The following RAB1A variants were observed in gnomAD, a reference collection of about 807,000 sequenced individuals.
RAB1A encodes ras-related protein Rab-1A.
A neutral mutation model predicts 26.0 loss-of-function variants in RAB1A; 2 were observed. That is an observed-to-expected ratio of 0.08 (90% CI 0.03 to 0.24). The LOEUF is 0.24. Ranked by LOEUF, RAB1A falls within the 10% of genes least tolerant of loss-of-function variation. RAB1A has a pLI of 1.00. For missense variants in RAB1A, 100 were observed against 247.0 expected (o/e 0.40, Z 3.99); for synonymous variants, 84 against 84.9 (o/e 0.99, Z 0.06).
rs534357331 is a variant in RAB1A, at chr2:65,087,609, A to G, written c.*884T>C. On this transcript the variant is annotated 3_prime_UTR_variant, in exon 6 of 6. Transcript: ENST00000409784. ...AAGGATCAGAGATAACGGGCTAGAT[A>G]GCATACATTCTAAACTTGTTTTACA... is the stretch of plus-strand genomic sequence containing the variant. The G allele has an allele frequency of 6.5e-6, 1 of 152,704 alleles. No homozygotes were observed. Among genetic ancestry groups the G allele is most frequent in the South Asian group, 2.1e-4 (1 of 4,830 alleles). The allele number at this position is 152,704 out of a possible 1,614,324, so 9.5% of individuals were successfully genotyped here.
chr2:65,096,358 T>C (rs1034859856), intron 3 of RAB1A, among the ~76,000 whole-genome samples: 2 of 152,012 alleles, frequency 1.3e-5, no homozygotes, highest in Non-Finnish European at 2.9e-5. Context: ...AAATGAGGCC[T>C]TCAGGCATGG....
At chr2:65,119,783 C>T (rs1669913615) in intron 1 of RAB1A, among the ~76,000 whole-genome samples, 1 of 120,342 alleles carries the variant, frequency 8.3e-6, no homozygotes, top group Admixed American at 1.1e-4. Flanking sequence ...GGTAGGAGGA[C>T]TGCTTGAGCC....
intron 1 of RAB1A, chr2:65,105,374 G>A (rs146241817): frequency 6.7e-5 from 12 of 178,870 alleles, no homozygotes; most frequent in East Asian, 1.8e-4. Flanking sequence ...GCATGGTTGC[G>A]CATGCCTGTA....
intron 1 of RAB1A, among the ~76,000 whole-genome samples, chr2:65,115,931 G>A (rs1236347975): frequency 6.6e-6 from 1 of 152,080 alleles, no homozygotes; most frequent in African/African-American, 2.4e-5. Flanking sequence ...CGAGGTGGGT[G>A]GATCACTTGA....
rs955543354 is a variant in RAB1A at position 65,087,402 on chromosome 2, C to T, written c.*1091G>A. On this transcript the variant is annotated 3_prime_UTR_variant, in exon 6 of 6. Transcript: ENST00000409784. ...CTATCTTAATGCTTAAACCCTCCTC[C>T]AACACCAAGTTAAGCAACTGTGGAG... 1.3e-5 allele frequency: 2 copies of T among 152,576 alleles called. No individual in the cohort carries two copies. Among genetic ancestry groups the T allele is most frequent in the Admixed American group, 1.3e-4 (2 of 15,272 alleles). 9.5% of individuals were successfully genotyped at this position (152,576 alleles called of 1,614,324 possible). A position where few individuals can be genotyped will look rare whatever the true frequency, so the allele number is the denominator to read the frequency against.
intron 1 of RAB1A, among the ~76,000 whole-genome samples, chr2:65,107,997 G>A (rs2103855089): frequency 6.7e-6 from 1 of 149,960 alleles, no homozygotes; most frequent in South Asian, 2.2e-4. Flanking sequence ...TCAGGAGGTG[G>A]AGGTTGCAGT....
At position 65,125,953 on chromosome 2, in the gene RAB1A, C is replaced by T. The variant is rs558577537; in HGVS notation, c.23+3940G>A. 2.1e-3 allele frequency among the ~76,000 whole-genome samples: 304 copies of T among 144,320 alleles called. 2 individuals carry two copies. The highest frequency in any genetic ancestry group is 7.6e-3 in the African/African-American group (292 of 38,600). The allele number at this position is 144,320 out of a possible 152,430, so 94.7% of individuals were successfully genotyped here. A position where few individuals can be genotyped will look rare whatever the true frequency, so the allele number is the denominator to read the frequency against. ...ATGGTGTGATCTCGGCTCACTGCAA[C>T]CTCCACCTCCGAGGTTCAAGAGATT... On this transcript the variant is annotated intron_variant, in intron 1 of 5. Transcript: ENST00000409784.
At position 65,118,967 on chromosome 2, in the gene RAB1A, T is replaced by C. The variant is rs550575430; in HGVS notation, c.23+10926A>G. ...ACGTTGGGAGGTCAAAGAGTGAGGA[T>C]TGCTTGAGCTCAGGAGTTCAAAACC... On this transcript the variant is annotated intron_variant, in intron 1 of 5. Transcript: ENST00000409784. 1.4e-4 allele frequency among the ~76,000 whole-genome samples: 22 copies of C among 151,912 alleles called. No homozygotes were observed. The South Asian group carries it at 3.7e-3, about 26-fold the overall frequency.
Position 65,129,885 on chromosome 2 carries a change from G to A in RAB1A, c.23+8C>T, listed in dbSNP as rs758378760. On this transcript the variant is annotated splice_region_variant and intron_variant, in intron 1 of 5. Transcript: ENST00000409784. ...GGACCCAGCCGACCGGTGCTCTCCT[G>A]AACTCACTATTCGGGATTCATGCTG... 40 of 1,595,412 alleles carry A rather than the reference G, an allele frequency of 2.5e-5. No homozygotes were observed. Among genetic ancestry groups the A allele is most frequent in the Non-Finnish European group, 3.2e-5 (37 of 1,172,034 alleles).
chr2:65,119,912 G>A (rs1055480029), intron 1 of RAB1A, among the ~76,000 whole-genome samples: 63 of 150,106 alleles, frequency 4.2e-4, no homozygotes, highest in African/African-American at 1.5e-3. Flanking sequence ...AAGTTAGCTC[G>A]GCTCAAAAAA....
chr2:65,086,963 T>C lies in RAB1A; in HGVS notation c.*1530A>G, dbSNP rs1302499087. 6.6e-6 allele frequency: 1 copy of C among 152,620 alleles called. No homozygotes were observed. Among genetic ancestry groups the C allele is most frequent in the Admixed American group, 6.5e-5 (1 of 15,280 alleles). The allele number at this position is 152,620 out of a possible 1,614,324, so 9.5% of individuals were successfully genotyped here. A position where few individuals can be genotyped will look rare whatever the true frequency, so the allele number is the denominator to read the frequency against. ...ACCACTTATTTTTGTACCATGTATT[T>C]CAATTGCCTGTTTAGTGAAAAATAA... On this transcript the variant is annotated 3_prime_UTR_variant, in exon 6 of 6. Transcript: ENST00000409784.
chr2:65,114,644 C>T (rs941019129), intron 1 of RAB1A, among the ~76,000 whole-genome samples: 35 of 151,710 alleles, frequency 2.3e-4, no homozygotes, highest in Non-Finnish European at 1.8e-4. Context: ...GAGATCGAGA[C>T]CATCCTGGCT....
intron 1 of RAB1A, among the ~76,000 whole-genome samples, chr2:65,129,195 C>G (rs1312170506): frequency 7.3e-6 from 1 of 136,706 alleles, no homozygotes; most frequent in African/African-American, 2.8e-5. Context: ...TAGGTGTCCT[C>G]TTTAAAAAAA....
At position 65,112,678 on chromosome 2, in the gene RAB1A, C is replaced by A. The variant is rs183883854; in HGVS notation, c.24-7872G>T. 5.6e-4 allele frequency among the ~76,000 whole-genome samples: 85 copies of A among 152,186 alleles called. 1 individual carries two copies. The East Asian group carries it at 0.015, about 28-fold the overall frequency. ...CTAAAAACAGTTAAGGTAAGAATGG[C>A]ATAGAATAAGCCTGGACAGAAAGGA... On this transcript the variant is annotated intron_variant, in intron 1 of 5. Coordinates refer to ENST00000409784, the MANE Select transcript of RAB1A (RefSeq NM_004161.5).
intron 2 of RAB1A, among the ~76,000 whole-genome samples, chr2:65,099,420 TATC>T (rs1669367049): frequency 2.0e-5 from 3 of 152,342 alleles, no homozygotes; most frequent in African/African-American, 7.2e-5. Context: ...CAGACCAGGC[TATC>T]ATCATATGAA....
intron 1 of RAB1A, among the ~76,000 whole-genome samples, chr2:65,122,992 A>C (rs1020681130): frequency 8.0e-5 from 12 of 150,882 alleles, no homozygotes; most frequent in Non-Finnish European, 1.2e-4. Context: ...AAAAAAAAAA[A>C]AAAGCAAGCT....
chr2:65,118,524 C>T lies in RAB1A; in HGVS notation c.23+11369G>A, dbSNP rs1669876026. 2.6e-5 allele frequency among the ~76,000 whole-genome samples: 4 copies of T among 152,158 alleles called. No individual in the cohort carries two copies. The South Asian group carries it at 6.2e-4, about 24-fold the overall frequency. On this transcript the variant is annotated intron_variant, in intron 1 of 5. Coordinates refer to ENST00000409784, the MANE Select transcript of RAB1A (RefSeq NM_004161.5). Reference sequence around the variant, plus strand: ...ACAGAGTTTTGCTCTGTCGCGCAGGCTGAAGTGCAGTAGCACAATCTCGGC... The same window carrying T: ...ACAGAGTTTTGCTCTGTCGCGCAGGTTGAAGTGCAGTAGCACAATCTCGGC...
At chr2:65,109,281 T>G (rs369261721) in intron 1 of RAB1A, among the ~76,000 whole-genome samples, 1 of 152,188 alleles carries the variant, frequency 6.6e-6, no homozygotes, top group East Asian at 1.9e-4. Flanking sequence ...CAAGACTAAT[T>G]TAGCAAATGG....
intron 1 of RAB1A, among the ~76,000 whole-genome samples, chr2:65,125,398 C>A (rs918986154): frequency 4.7e-5 from 7 of 150,026 alleles, no homozygotes; most frequent in Non-Finnish European, 7.4e-5. Flanking sequence ...AGAATAATCA[C>A]GAGAATAATG....
Sources: gnomAD v4.1 joint callset for allele counts (sites outside exome capture counted in the v4.1 genomes callset) on GRCh38, gnomAD v4.1.1 for gene constraint, MANE v1.5 for transcripts, NCBI Gene and HGNC (gene_info 2026-07-23, HGNC 2026-07-21) for gene names.